The following DENND1B variants were observed in gnomAD, a reference collection of about 807,000 sequenced individuals.
DENND1B encodes DENN domain containing 1B.
Under a neutral mutation model 90.1 loss-of-function variants are expected in DENND1B, and 59 were observed. The ratio of observed to expected loss-of-function variants is 0.65; its 90% CI spans 0.53 to 0.81. The LOEUF (loss-of-function observed/expected upper bound fraction) is 0.81, where lower values mean the gene tolerates loss of function less well. Ranked by LOEUF, DENND1B falls within the 40% of genes least tolerant of loss-of-function variation. DENND1B has a pLI of 0.00. For missense variants in DENND1B, 862 were observed against 912.6 expected (o/e 0.94, Z 0.71); for synonymous variants, 337 against 324.6 (o/e 1.04, Z -0.41).
At chr1:197,721,065 A>ATTTTTTTTTTT in intron 2 of DENND1B, among the ~76,000 whole-genome samples, 1 of 98,968 alleles carries the variant, frequency 1.0e-5, no homozygotes, top group Non-Finnish European at 1.9e-5. Context: ...GAGAAACGGC[A>ATTTTTTTTTTT]TTTTTTTTTT....
chr1:197,571,789 A>G (rs1673176762), intron 15 of DENND1B, among the ~76,000 whole-genome samples: 2 of 152,226 alleles, frequency 1.3e-5, no homozygotes, highest in African/African-American at 4.8e-5. Context: ...TGTTCAAACT[A>G]ATAGACACAC....
At chr1:197,654,376 C>T (rs1348428328) in intron 6 of DENND1B, among the ~76,000 whole-genome samples, 1 of 152,018 alleles carries the variant, frequency 6.6e-6, no homozygotes, top group African/African-American at 2.4e-5. Context: ...CTTTGGGGGG[C>T]TGAGGTGGGT....
At chr1:197,735,439 C>T in intron 2 of DENND1B, 3 of 1,465,834 alleles carry the variant, frequency 2.0e-6, no homozygotes, top group Non-Finnish European at 2.7e-6. Context: ...TCTGAAGCTA[C>T]TTCTCATGGG....
intron 6 of DENND1B, among the ~76,000 whole-genome samples, chr1:197,656,645 A>T (rs1653860824): frequency 6.6e-6 from 1 of 152,090 alleles, no homozygotes; most frequent in Admixed American, 6.5e-5. Context: ...ACAAAAAAAA[A>T]TTAAAAAATT....
At chr1:197,574,902 A>C (rs1673522466) in intron 15 of DENND1B, among the ~76,000 whole-genome samples, 1 of 152,214 alleles carries the variant, frequency 6.6e-6, no homozygotes, top group Admixed American at 6.5e-5. Flanking sequence ...TAAAAAGCTG[A>C]AACTGGATCC....
At chr1:197,614,423 C>A (rs1455443313) in intron 11 of DENND1B, among the ~76,000 whole-genome samples, 1 of 150,964 alleles carries the variant, frequency 6.6e-6, no homozygotes, top group Non-Finnish European at 1.5e-5. Flanking sequence ...TCACCCAAAT[C>A]TCATGAAAAG....
At chr1:197,676,260 A>G (rs1656065137) in intron 3 of DENND1B, among the ~76,000 whole-genome samples, 1 of 152,072 alleles carries the variant, frequency 6.6e-6, no homozygotes, top group Non-Finnish European at 1.5e-5. Context: ...CTGAAGTGTA[A>G]AAAGAAAAGA....
chr1:197,645,367 T>C (rs1680639984), intron 9 of DENND1B, among the ~76,000 whole-genome samples: 1 of 152,082 alleles, frequency 6.6e-6, no homozygotes, highest in Non-Finnish European at 1.5e-5. Context: ...GTATCTCTTC[T>C]ATCATATACA....
intron 15 of DENND1B, among the ~76,000 whole-genome samples, chr1:197,554,855 A>AGG (rs1553285217): frequency 5.8e-5 from 8 of 138,836 alleles, no homozygotes; most frequent in Non-Finnish European, 1.3e-4. Flanking sequence ...AAAAAAAAAG[A>AGG]GGGGGTGGGG....
At chr1:197,676,820 T>C (rs12732085) in intron 3 of DENND1B, among the ~76,000 whole-genome samples, 1 of 151,946 alleles carries the variant, frequency 6.6e-6, no homozygotes, top group Admixed American at 6.6e-5. Context: ...TTTTGGGGGG[T>C]TTTGGGTTCC....
chr1:197,529,240 A>ATGTGTG (rs1390188600), intron 20 of DENND1B, among the ~76,000 whole-genome samples: 2 of 9,410 alleles, frequency 2.1e-4, no homozygotes, highest in African/African-American at 4.3e-4. Context: ...ATATATATAT[A>ATGTGTG]TATGTGTGTG....
chr1:197,761,632 C>T (rs1014368278), intron 2 of DENND1B, among the ~76,000 whole-genome samples: 1 of 152,046 alleles, frequency 6.6e-6, no homozygotes, highest in African/African-American at 2.4e-5. Flanking sequence ...TAAAGGACTG[C>T]TTAATTCTAA....
At chr1:197,696,438 T>A (rs1658441213) in intron 3 of DENND1B, among the ~76,000 whole-genome samples, 1 of 151,578 alleles carries the variant, frequency 6.6e-6, no homozygotes, top group Non-Finnish European at 1.5e-5. Context: ...GTTGTCAGTA[T>A]ATACTGAAAT....
intron 11 of DENND1B, among the ~76,000 whole-genome samples, chr1:197,615,487 T>C (rs1367079887): frequency 1.3e-5 from 2 of 151,062 alleles, no homozygotes; most frequent in Non-Finnish European, 3.0e-5. Context: ...AGCAAAGATA[T>C]ATCTTTTCCT....
intron 2 of DENND1B, among the ~76,000 whole-genome samples, chr1:197,763,176 T>C (rs1209740385): frequency 6.6e-6 from 1 of 152,098 alleles, no homozygotes; most frequent in African/African-American, 2.4e-5. Context: ...CCAGACATGG[T>C]GACATACGCC....
intron 15 of DENND1B, among the ~76,000 whole-genome samples, chr1:197,576,045 C>T (rs1673651507): frequency 6.6e-6 from 1 of 151,706 alleles, no homozygotes; most frequent in South Asian, 2.1e-4. Context: ...CAAACCTGCA[C>T]ATTGTGCACA....
chr1:197,543,949 T>C (rs973618898), intron 18 of DENND1B, among the ~76,000 whole-genome samples: 3 of 152,142 alleles, frequency 2.0e-5, no homozygotes, highest in Non-Finnish European at 4.4e-5. Flanking sequence ...AGAAAAGCTT[T>C]TGAAGACAAA....
At chr1:197,726,529 TCAGAAG>T (rs1661649966) in intron 2 of DENND1B, among the ~76,000 whole-genome samples, 1 of 152,092 alleles carries the variant, frequency 6.6e-6, no homozygotes. Context: ...CCCACCAAAG[TCAGAAG>T]CATAATCCTA....
intron 2 of DENND1B, chr1:197,734,591 A>G: frequency 1.0e-6 from 1 of 982,404 alleles, no homozygotes. Context: ...TTCAAAATTG[A>G]CTGCAATACA....
Sources: allele counts gnomAD v4.1 joint callset (sites outside exome capture counted in the v4.1 genomes callset), GRCh38; gene constraint gnomAD v4.1.1; transcripts MANE v1.5; gene names NCBI Gene and HGNC (gene_info 2026-07-23, HGNC 2026-07-21).